ZNF449: variants seen among roughly 807,000 people sequenced by gnomAD.
ZNF449 encodes zinc finger protein 449.
A neutral mutation model predicts 32.6 loss-of-function variants in ZNF449; 4 were observed. The ratio of observed to expected loss-of-function variants is 0.12; its 90% CI spans 0.06 to 0.28. ZNF449 has a LOEUF of 0.28. Ranked by LOEUF, ZNF449 falls within the 10% of genes least tolerant of loss-of-function variation. ZNF449 has a pLI of 1.00. For synonymous variants in ZNF449, 123 were observed against 132.2 expected (o/e 0.93, Z 0.48); for missense variants, 275 against 383.2 (o/e 0.72, Z 2.36).
At chrX:135,347,531 G>A (rs1556448790) in intron 2 of ZNF449, 59 bp downstream of exon 2, 1 of 1,195,416 alleles carries the variant, frequency 8.4e-7, no homozygotes, top group Non-Finnish European at 1.1e-6. Context: ...GAGGCAGCTG[G>A]GACTAGACCA....
At chrX:135,348,125 T>A in intron 2 of ZNF449, 1 of 129,283 alleles carries the variant, frequency 7.7e-6, no homozygotes, top group Admixed American at 8.6e-5. Context: ...AAAGCTCAAG[T>A]ACTACGAACA....
chrX:135,353,987 G>A (rs1273251080), intron 3 of ZNF449, among the ~76,000 whole-genome samples: 1 of 111,960 alleles, frequency 8.9e-6, no homozygotes, highest in Non-Finnish European at 1.9e-5. Flanking sequence ...ACAGAAGTAG[G>A]CATTAAGGCC....
At chrX:135,353,119 C>T (rs2084897374) in intron 3 of ZNF449, among the ~76,000 whole-genome samples, 1 of 111,375 alleles carries the variant, frequency 9.0e-6, no homozygotes, top group Non-Finnish European at 1.9e-5. Context: ...CAATTCCTTG[C>T]CAAAGGAATT....
intron 3 of ZNF449, among the ~76,000 whole-genome samples, chrX:135,359,347 T>C (rs782417090): frequency 3.1e-4 from 35 of 111,578 alleles, no homozygotes; most frequent in African/African-American, 9.1e-4. Context: ...CATTTTCACC[T>C]GTATAAGTTA....
In ZNF449 at chrX:135,347,067, G is replaced by C; in HGVS notation, c.-52G>C. On this transcript the variant is annotated 5_prime_UTR_variant, in exon 2 of 5. Transcript: ENST00000339249. ...CAACGATTTCAGAGAGAAACAAGTC[G>C]GAATCTGAGAAGTGAGGCTCCAGAT... 6 of 1,117,842 alleles carry C rather than the reference G, an allele frequency of 5.4e-6. No individual in the cohort carries two copies. Among genetic ancestry groups the C allele is most frequent in the Non-Finnish European group, 7.2e-6 (6 of 835,002 alleles). 92.1% of individuals were successfully genotyped at this position (1,117,842 alleles called of 1,213,427 possible). A position where few individuals can be genotyped will look rare whatever the true frequency, so the allele number is the denominator to read the frequency against.
intron 3 of ZNF449, among the ~76,000 whole-genome samples, chrX:135,350,916 G>A (rs1602685110): frequency 1.8e-5 from 2 of 111,153 alleles, no homozygotes; most frequent in East Asian, 5.7e-4. Context: ...GGAGAGGGCT[G>A]GGATCAAAAG....
intron 3 of ZNF449, among the ~76,000 whole-genome samples, chrX:135,350,943 G>T (rs782341754): frequency 9.0e-6 from 1 of 111,068 alleles, no homozygotes; most frequent in Non-Finnish European, 1.9e-5. Flanking sequence ...CATGTGCAAC[G>T]TTCTGAAGGC....
At chrX:135,349,369 T>G (rs1235382468) in intron 3 of ZNF449, 55 bp downstream of exon 3, 2 of 1,121,475 alleles carry the variant, frequency 1.8e-6, no homozygotes, top group African/African-American at 3.6e-5. Context: ...GTTCAGGAAC[T>G]CTCAAGGGTT....
intron 3 of ZNF449, among the ~76,000 whole-genome samples, chrX:135,358,093 T>C (rs925624612): frequency 9.0e-6 from 1 of 111,508 alleles, no homozygotes; most frequent in African/African-American, 3.2e-5. Flanking sequence ...ATATTTCTCA[T>C]GTAATATTTT....
intron 3 of ZNF449, 130 bp downstream of exon 3, chrX:135,349,444 A>C: frequency 1.6e-6 from 1 of 643,893 alleles, no homozygotes; most frequent in Non-Finnish European, 2.3e-6. Flanking sequence ...AAGAGGAAAA[A>C]GTCTCTCTGG....
chrX:135,346,955 C>T (rs1217508009), intron 1 of ZNF449, 64 bp from the exon 2 acceptor site: 1 of 385,840 alleles, frequency 2.6e-6, no homozygotes, highest in Non-Finnish European at 4.3e-6. Context: ...AGAAGTTGAC[C>T]GAGGTAAGTA....
In ZNF449 at chrX:135,360,749, T is replaced by A; in HGVS notation, c.1230T>A (p.Leu410=). ...THSEEETYKC[L]ECGKSFCHGS... is the part of the protein sequence containing the mutation. The stretch of plus-strand genomic sequence containing the variant: ...CTGAAGAAGAAACATATAAATGTCT[T>A]GAGTGTGGGAAAAGTTTTTGTCATG... The change falls in exon 5 of 5, where the codon CTT becomes CTA. Residue 410 remains leucine, a synonymous_variant. Transcript: ENST00000339249. 1 of 1,211,316 alleles carries A rather than the reference T, an allele frequency of 8.3e-7. No individual in the cohort carries two copies. Among genetic ancestry groups the A allele is most frequent in the Non-Finnish European group, 1.1e-6 (1 of 895,320 alleles).
At chrX:135,348,662 C>T (rs991033931) in intron 2 of ZNF449, 25 of 861,836 alleles carry the variant, frequency 2.9e-5, no homozygotes, top group Non-Finnish European at 3.7e-5. Flanking sequence ...AGTTTTCTGT[C>T]TCCCTAGGGT....
Position 135,361,341 on chromosome X carries a change from G to A in ZNF449, c.*265G>A. ...ACAATGAAAAATTTTGTGTTCCAAG[G>A]CAACTGTATCATAGGTGTAAACATA... On this transcript the variant is annotated 3_prime_UTR_variant, in exon 5 of 5. Coordinates refer to ENST00000339249, the MANE Select transcript of ZNF449 (RefSeq NM_152695.6). The A allele has an allele frequency of 3.8e-6, 1 of 261,959 alleles. No homozygotes were observed. Among genetic ancestry groups the A allele is most frequent in the Non-Finnish European group, 6.7e-6 (1 of 149,188 alleles). The allele number at this position is 261,959 out of a possible 1,213,427, so 21.6% of individuals were successfully genotyped here. A position where few individuals can be genotyped will look rare whatever the true frequency, so the allele number is the denominator to read the frequency against.
At chrX:135,355,706 G>A (rs2084913442) in intron 3 of ZNF449, among the ~76,000 whole-genome samples, 1 of 110,951 alleles carries the variant, frequency 9.0e-6, no homozygotes, top group African/African-American at 3.3e-5. Flanking sequence ...TAGCGTTATT[G>A]AAATATAATT....
At chrX:135,355,003 T>G (rs1556451482) in intron 3 of ZNF449, among the ~76,000 whole-genome samples, 1 of 110,552 alleles carries the variant, frequency 9.0e-6, no homozygotes, top group Admixed American at 9.6e-5. Context: ...TATGAACAAT[T>G]CCTGTCATTC....
intron 3 of ZNF449, among the ~76,000 whole-genome samples, 168 bp downstream of exon 3, chrX:135,349,482 T>C (rs1314681252): frequency 1.8e-5 from 2 of 112,007 alleles, no homozygotes; most frequent in African/African-American, 6.5e-5. Context: ...GCACTTTGGA[T>C]AGAACCCTGG....
intron 3 of ZNF449, 59 bp downstream of exon 3, chrX:135,349,373 A>C (rs1041295170): frequency 3.9e-5 from 44 of 1,120,332 alleles, no homozygotes; most frequent in Non-Finnish European, 6.1e-6. Flanking sequence ...AGGAACTCTC[A>C]AGGGTTGGGG....
chrX:135,360,991 A>G lies in ZNF449; in HGVS notation c.1472A>G (p.Tyr491Cys). ...AGAATCCACACAGGGGAGAAGCCAT[A>G]CAAGTGTACTCATTGTTCTAAAAGC... Reference protein sequence around the residue: ...HLRIHTGEKPYKCTHCSKSFR... With the variant: ...HLRIHTGEKPCKCTHCSKSFR... The change falls in exon 5 of 5, where the codon TAC becomes TGC. Residue 491 changes from tyrosine to cysteine, a missense_variant. By Grantham distance (194) the Tyr-to-Cys change is radical. This residue lies in a region of ZNF449 where 80 missense variants were observed against 146.6 expected (regional missense o/e 0.55). Coordinates refer to ENST00000339249, the MANE Select transcript of ZNF449 (RefSeq NM_152695.6). 1 of 1,210,302 alleles carries G rather than the reference A, an allele frequency of 8.3e-7. No homozygotes were observed. Among genetic ancestry groups the G allele is most frequent in the Non-Finnish European group, 1.1e-6 (1 of 894,936 alleles).
Sources: allele counts gnomAD v4.1 joint callset (sites outside exome capture counted in the v4.1 genomes callset), GRCh38; gene constraint gnomAD v4.1.1; regional missense constraint gnomAD v4.1.1; transcripts MANE v1.5; gene names NCBI Gene and HGNC (gene_info 2026-07-23, HGNC 2026-07-21).